Variants in SLC2A14 observed in about 807,000 individuals in gnomAD.
The protein encoded by SLC2A14 is solute carrier family 2 member 14, also known as solute carrier family 2, facilitated glucose transporter member 14.
A neutral mutation model predicts 43.0 loss-of-function variants in SLC2A14; 13 were observed. That is an observed-to-expected ratio of 0.30 (90% CI 0.20 to 0.48). The LOEUF is 0.48. SLC2A14 is among the 20% of genes least tolerant of loss of function. The pLI, the probability that SLC2A14 is intolerant of heterozygous loss-of-function variation, is 0.99. For missense variants in SLC2A14, 428 were observed against 620.4 expected (o/e 0.69, Z 3.29); for synonymous variants, 190 against 233.8 (o/e 0.81, Z 1.71).
upstream of SLC2A14, among the ~76,000 whole-genome samples, chr12:7,875,135 T>TTAATTATATTTAAAATTAAATATATA (rs1945434946): frequency 3.7e-5 from 4 of 109,452 alleles, no homozygotes; most frequent in Admixed American, 4.9e-4. Flanking sequence ...TTAAATATAT[T>TTAATTATATTTAAAATTAAATATATA]TAAATATTAT....
intron 1 of SLC2A14, among the ~76,000 whole-genome samples, chr12:7,888,928 T>C (rs1163974907): frequency 1.3e-5 from 2 of 152,116 alleles, no homozygotes; most frequent in Non-Finnish European, 1.5e-5. Context: ...TGGACTCTAA[T>C]TTCCAATGAC....
At chr12:7,879,798 A>G (rs1448530253) in intron 1 of SLC2A14, among the ~76,000 whole-genome samples, 1 of 152,162 alleles carries the variant, frequency 6.6e-6, no homozygotes, top group Non-Finnish European at 1.5e-5. Context: ...TGAGCCCAAG[A>G]GTTCAAGACC....
intron 1 of SLC2A14, among the ~76,000 whole-genome samples, chr12:7,882,099 CT>C (rs1213257076): frequency 1.3e-5 from 2 of 152,046 alleles, no homozygotes; most frequent in Non-Finnish European, 2.9e-5. Flanking sequence ...AGGCTTTGTT[CT>C]TTTTTTCTTT....
At chr12:7,825,085 G>C (rs1047981024) in intron 7 of SLC2A14, among the ~76,000 whole-genome samples, 1 of 152,078 alleles carries the variant, frequency 6.6e-6, no homozygotes, top group Admixed American at 6.6e-5. Flanking sequence ...CATAATTCCG[G>C]TGCAGCTAAC....
intron 7 of SLC2A14, among the ~76,000 whole-genome samples, chr12:7,826,951 T>C (rs1864492321): frequency 7.2e-6 from 1 of 139,240 alleles, no homozygotes; most frequent in Non-Finnish European, 1.5e-5. Flanking sequence ...CTTTCTTTCC[T>C]TTCTTCTCTC....
chr12:7,821,497 A>G (rs932416963), intron 7 of SLC2A14, among the ~76,000 whole-genome samples, 172 bp from the exon 8 acceptor site: 2 of 152,180 alleles, frequency 1.3e-5, no homozygotes, highest in Admixed American at 6.5e-5. Flanking sequence ...AGCCTGGCCA[A>G]TATGGTGAAA....
chr12:7,815,590 T>G (rs146465414), intron 10 of SLC2A14, among the ~76,000 whole-genome samples: 4,048 of 152,308 alleles, frequency 0.027, 118 homozygotes, highest in East Asian at 0.13. Flanking sequence ...GTTTTGTTTT[T>G]TTTGAGACGG....
At chr12:7,882,543 T>C (rs10734883) in intron 1 of SLC2A14, among the ~76,000 whole-genome samples, 80,987 of 151,740 alleles carry the variant, frequency 0.53, 21,761 homozygotes, top group Middle Eastern at 0.58. Flanking sequence ...AAGATATTTA[T>C]TTGAGGCTAG....
At chr12:7,874,829 A>G (rs1388114870), upstream of SLC2A14, among the ~76,000 whole-genome samples, 7 of 86,498 alleles carry the variant, frequency 8.1e-5, no homozygotes, top group Admixed American at 4.9e-4. Flanking sequence ...TATATAAATT[A>G]TATATAAATA....
chr12:7,829,419 A>C (rs756746726), intron 5 of SLC2A14, among the ~76,000 whole-genome samples: 11 of 149,982 alleles, frequency 7.3e-5, no homozygotes, highest in Non-Finnish European at 1.2e-4. Context: ...AATTAGCTGG[A>C]CGTGGTGGTG....
intron 2 of SLC2A14, among the ~76,000 whole-genome samples, chr12:7,841,259 CATTATT>C (rs1301000340): frequency 6.6e-6 from 1 of 151,950 alleles, no homozygotes; most frequent in African/African-American, 2.4e-5. Context: ...ATATTATTAT[CATTATT>C]ATTTATTGTT....
At chr12:7,858,972 T>C (rs766526506) in intron 2 of SLC2A14, among the ~76,000 whole-genome samples, 1 of 152,304 alleles carries the variant, frequency 6.6e-6, no homozygotes, top group East Asian at 1.9e-4. Context: ...TTAATTTTTG[T>C]ATACAGTATG....
chr12:7,826,861 T>TTTTCTTTCTTTCTTTCTTTCTTTC (rs71038779), intron 7 of SLC2A14, among the ~76,000 whole-genome samples: 15 of 60,326 alleles, frequency 2.5e-4, no homozygotes, highest in South Asian at 6.4e-4. Context: ...TTCCTTTCTT[T>TTTTCTTTCTTTCTTTCTTTCTTTC]TTTCTTTCTT....
At chr12:7,860,777 T>A (rs1472007849) in intron 2 of SLC2A14, 1 of 149,274 alleles carries the variant, frequency 6.7e-6, no homozygotes, top group Non-Finnish European at 1.5e-5. Context: ...TGCTCCCCAC[T>A]GCACTTACTT....
intron 2 of SLC2A14, among the ~76,000 whole-genome samples, chr12:7,837,749 G>A (rs1865579127): frequency 6.6e-6 from 1 of 150,662 alleles, no homozygotes; most frequent in Non-Finnish European, 1.5e-5. Context: ...CACCACGACT[G>A]GCTAATTTTT....
Position 7,817,935 on chromosome 12 carries a change from C to T in SLC2A14, c.1171G>A (p.Ala391Thr). The T allele has an allele frequency of 1.9e-6, 3 of 1,614,122 alleles. No individual in the cohort carries two copies. Among genetic ancestry groups the T allele is most frequent in the Non-Finnish European group, 2.5e-6 (3 of 1,180,032 alleles). The change falls in exon 10 of 11, where the codon GCC becomes ACC. Residue 391 changes from alanine (A) to threonine (T), a missense_variant. This residue lies in a region of SLC2A14 where 119 missense variants were observed against 188.7 expected (regional missense o/e 0.63). Transcript: ENST00000431042. ...CGGGGGCCCTGGCTGAAGAGTTCGG[C>T]CACAATAAACCAGGGAATGGGGCCT... ...GPGPIPWFIV[A>T]ELFSQGPRPA...
At chr12:7,839,924 CAAAAAAAAAAAAAAAAAA>C (rs57569188) in intron 2 of SLC2A14, 1 of 165,056 alleles carries the variant, frequency 6.1e-6, no homozygotes. Flanking sequence ...CCTGTCTCTA[CAAAAAAAAAAAAAAAAAA>C]AAAAAAAAAA....
At chr12:7,877,001 T>TTTC (rs1945474599), upstream of SLC2A14, among the ~76,000 whole-genome samples, 1 of 142,804 alleles carries the variant, frequency 7.0e-6, no homozygotes. Flanking sequence ...GAATAATTTT[T>TTTC]TTTCTTTTTT....
chr12:7,886,151 C>CTTTTTTTTTTTTTTTT lies in SLC2A14; in HGVS notation c.132+4829_132+4844dup, dbSNP rs3044922. On this transcript the variant is annotated intron_variant, in intron 1 of 9. Transcript: ENST00000539924. ...GGCATGTACCACCACGCCCGGACAGCTTTTTTTTTTTTTTTTTTTTTTTTT... is the reference window on the plus strand; with the variant it reads ...GGCATGTACCACCACGCCCGGACAGCTTTTTTTTTTTTTTTTTTTTTTTTTTTTTTTTTTTTTTTTT... Among the ~76,000 whole-genome samples the CTTTTTTTTTTTTTTTT allele has an allele frequency of 4.0e-4, 18 of 44,730 alleles. 5 individuals carry two copies. Among genetic ancestry groups the CTTTTTTTTTTTTTTTT allele is most frequent in the South Asian group, 2.7e-3 (2 of 748 alleles). The allele number at this position is 44,730 out of a possible 152,430, so 29.3% of individuals were successfully genotyped here.
Sources: gnomAD v4.1 joint callset for allele counts (sites outside exome capture counted in the v4.1 genomes callset) on GRCh38, gnomAD v4.1.1 for gene constraint, gnomAD v4.1.1 regional missense constraint, MANE v1.5 for transcripts, NCBI Gene and HGNC (gene_info 2026-07-23, HGNC 2026-07-21) for gene names.